LCP2: variants seen among roughly 807,000 people sequenced by gnomAD.
LCP2 encodes the protein 76 kDa tyrosine phosphoprotein.
A neutral mutation model predicts 74.5 loss-of-function variants in LCP2; 29 were observed. The ratio of observed to expected loss-of-function variants is 0.39; its 90% CI spans 0.29 to 0.53. The LOEUF (loss-of-function observed/expected upper bound fraction) is 0.53. Ranked by LOEUF, LCP2 falls within the 20% of genes least tolerant of loss-of-function variation. The pLI is 0.72. For synonymous variants in LCP2, 228 were observed against 229.5 expected (o/e 0.99, Z 0.06); for missense variants, 604 against 634.6 (o/e 0.95, Z 0.52).
At position 170,270,758 on chromosome 5, in the gene LCP2, G is replaced by A. The variant is rs761554500; in HGVS notation, c.484C>T (p.Pro162Ser). 8 of 1,593,846 alleles carry A rather than the reference G, an allele frequency of 5.0e-6. No individual in the cohort carries two copies. Among genetic ancestry groups the A allele is most frequent in the Non-Finnish European group, 6.8e-6 (8 of 1,171,222 alleles). Residue 162 changes from proline to serine, a missense_variant, in exon 7 of 21, where the codon CCT becomes TCT. Physicochemically the swap from Pro to Ser is moderately conservative, Grantham distance 74 (BLOSUM62 -1). Transcript: ENST00000046794. ...DEEALQNSIL[P>S]AKPFPNSNSM... ...TTGGAGTTGGGGAAAGGCTTGGCAG[G>A]CAGGATGGAGTTCTGCAGAGCTTCC...
intron 6 of LCP2, among the ~76,000 whole-genome samples, 154 bp from the exon 7 acceptor site, chr5:170,271,071 T>C (rs375467226): frequency 2.0e-5 from 3 of 152,170 alleles, no homozygotes; most frequent in East Asian, 1.9e-4. Flanking sequence ...ATGAGGAATC[T>C]GAGGTCAGGG....
chr5:170,297,506 T>C, intron 1 of LCP2, 28 bp downstream of exon 1: 4 of 1,600,914 alleles, frequency 2.5e-6, no homozygotes, highest in Non-Finnish European at 3.4e-6. Context: ...ACTAGCATCA[T>C]GACCATTCAC....
chr5:170,294,492 A>G (rs1302059632), intron 1 of LCP2, among the ~76,000 whole-genome samples: 2 of 152,206 alleles, frequency 1.3e-5, no homozygotes, highest in Non-Finnish European at 1.5e-5. Flanking sequence ...GGGGTGGAGC[A>G]TTTGAGGTTA....
At position 170,248,391 on chromosome 5, in the gene LCP2, G is replaced by C. The variant is rs1380857806; in HGVS notation, c.*306C>G. The stretch of plus-strand genomic sequence containing the variant: ...TGCCCCAAATTGTTTCTGTAGCTGT[G>C]TAAACTACTGTATTTTGAAATGGGC... On this transcript the variant is annotated 3_prime_UTR_variant, in exon 21 of 21. Coordinates refer to ENST00000046794, the MANE Select transcript of LCP2 (RefSeq NM_005565.5). 3.9e-6 allele frequency: 1 copy of C among 255,426 alleles called. No individual in the cohort carries two copies. The highest frequency in any genetic ancestry group is 7.6e-6 in the Non-Finnish European group (1 of 132,188). The allele number at this position is 255,426 out of a possible 1,614,324, so 15.8% of individuals were successfully genotyped here. A position where few individuals can be genotyped will look rare whatever the true frequency, so the allele number is the denominator to read the frequency against.
At chr5:170,269,212 C>T (rs1473294736) in intron 7 of LCP2, among the ~76,000 whole-genome samples, 1 of 152,244 alleles carries the variant, frequency 6.6e-6, no homozygotes, top group Admixed American at 6.5e-5. Flanking sequence ...CAGAAACTCA[C>T]ATTATCCACA....
chr5:170,285,638 C>T lies in LCP2; in HGVS notation c.188+2332G>A, dbSNP rs977125879. Among the ~76,000 whole-genome samples, 4 of 152,190 alleles carry T rather than the reference C, an allele frequency of 2.6e-5. No individual in the cohort carries two copies. In the South Asian group the frequency reaches 8.3e-4, roughly 32 times the overall value. Reference sequence around the variant, plus strand: ...CTAAGGCAAGATCCTTCTAGGCACTCTACCGAATGACTATGTTTTCCAGCC... The same window carrying T: ...CTAAGGCAAGATCCTTCTAGGCACTTTACCGAATGACTATGTTTTCCAGCC... On this transcript the variant is annotated intron_variant, in intron 3 of 20. Coordinates refer to ENST00000046794, the MANE Select transcript of LCP2 (RefSeq NM_005565.5).
rs930362088 is a variant in LCP2 at position 170,256,424 on chromosome 5, A to T, written c.1150+102T>A. ...TTGAATGAGGAAATCAGATGCTTTT[A>T]GGAAACAATAAAACCTTTGTCGAAA... On this transcript the variant is annotated intron_variant, in intron 17 of 20. Transcript: ENST00000046794. This position sits in a 1 kb window ranked among gnomAD's most constrained non-coding sequence, Gnocchi z 4.5. 3 of 925,692 alleles carry T rather than the reference A, an allele frequency of 3.2e-6. No homozygotes were observed. The highest frequency in any genetic ancestry group is 1.9e-5 in the Admixed American group (1 of 53,484). 57.3% of individuals were successfully genotyped at this position (925,692 alleles called of 1,614,324 possible).
At chr5:170,248,909 G>T in intron 20 of LCP2, 90 bp from the exon 21 acceptor site, 1 of 1,268,448 alleles carries the variant, frequency 7.9e-7, no homozygotes, top group Non-Finnish European at 1.1e-6. Flanking sequence ...AATATATGCT[G>T]CCTCTTCAAG....
intron 1 of LCP2, among the ~76,000 whole-genome samples, chr5:170,296,452 A>G (rs187101947): frequency 1.2e-4 from 19 of 152,290 alleles, no homozygotes; most frequent in African/African-American, 4.6e-4. Context: ...CGTCCTAGGG[A>G]ACCTCGTCTA....
intron 15 of LCP2, 71 bp from the exon 16 acceptor site, chr5:170,258,237 G>A (rs948599701): frequency 2.1e-5 from 32 of 1,528,168 alleles, no homozygotes; most frequent in Admixed American, 1.0e-4. Context: ...TTCCATAACC[G>A]CCCCCCAGTT....
At position 170,283,146 on chromosome 5, in the gene LCP2, C is replaced by CT. The variant is rs562447514; in HGVS notation, c.188+4823dup. Among the ~76,000 whole-genome samples, 40 of 152,288 alleles carry CT rather than the reference C, an allele frequency of 2.6e-4. 1 individual carries two copies. In the East Asian group the frequency reaches 7.3e-3, roughly 28 times the overall value. On this transcript the variant is annotated intron_variant, in intron 3 of 20. Coordinates refer to ENST00000046794, the MANE Select transcript of LCP2 (RefSeq NM_005565.5). Reference sequence around the variant, plus strand: ...ATTCTCCATATTAACCCTTCATGTTCTATGGGCAGGCTTCACAGTCTTTCT... The same window carrying CT: ...ATTCTCCATATTAACCCTTCATGTTCTTATGGGCAGGCTTCACAGTCTTTCT...
chr5:170,264,307 C>A (rs539752682), intron 10 of LCP2, among the ~76,000 whole-genome samples: 1 of 152,208 alleles, frequency 6.6e-6, no homozygotes, highest in East Asian at 1.9e-4. Context: ...TTTTCTTCTA[C>A]GTTTTTATTT....
rs1561971020 is a variant in LCP2 at position 170,268,461 on chromosome 5, G to A, written c.545C>T (p.Thr182Ile). ...GGGGGGCACAGGAGGCTGCTGGGGG[G>A]TTTTCCCAGAGGGGGGCCGGTCTGT... ...MYIDRPPSGK[T>I]PQQPPVPPQR... The change falls in exon 8 of 21, where the codon ACC becomes ATC. Residue 182 changes from threonine (T) to isoleucine (I), a missense_variant. By Grantham distance (89) the Thr-to-Ile change is moderately conservative (BLOSUM62 -1). Coordinates refer to ENST00000046794, the MANE Select transcript of LCP2 (RefSeq NM_005565.5). 2 of 266,184 alleles carry A rather than the reference G, an allele frequency of 7.5e-6. No individual in the cohort carries two copies. Among genetic ancestry groups the A allele is most frequent in the Admixed American group, 7.0e-5 (1 of 14,370 alleles). The allele number at this position is 266,184 out of a possible 1,614,324, so 16.5% of individuals were successfully genotyped here.
intron 2 of LCP2, among the ~76,000 whole-genome samples, chr5:170,290,545 C>T (rs1026788363): frequency 1.3e-5 from 2 of 152,180 alleles, no homozygotes; most frequent in African/African-American, 4.8e-5. Context: ...TCACCATACA[C>T]CTTCTCCTCT....
At chr5:170,260,502 C>T (rs1052552149) in intron 14 of LCP2, among the ~76,000 whole-genome samples, 3 of 152,172 alleles carry the variant, frequency 2.0e-5, no homozygotes, top group Admixed American at 6.5e-5. Context: ...ATTTCCTCTC[C>T]GTAAAAGAGA....
At chr5:170,260,773 T>C (rs1761636037) in intron 14 of LCP2, among the ~76,000 whole-genome samples, 1 of 152,222 alleles carries the variant, frequency 6.6e-6, no homozygotes, top group Admixed American at 6.5e-5. Flanking sequence ...CCTTGGAAAT[T>C]TAGGCATGGT....
intron 3 of LCP2, among the ~76,000 whole-genome samples, chr5:170,282,612 A>T (rs1447513195): frequency 6.6e-6 from 1 of 152,258 alleles, no homozygotes; most frequent in Non-Finnish European, 1.5e-5. Context: ...TTAAAAAGCT[A>T]AAATTGTTCT....
chr5:170,279,628 C>T (rs754446713), intron 3 of LCP2, among the ~76,000 whole-genome samples: 4 of 152,180 alleles, frequency 2.6e-5, no homozygotes, highest in East Asian at 1.9e-4. Context: ...TGACATCAAC[C>T]GGCCCCCACG....
rs1036208961 is a variant in LCP2, at chr5:170,250,819, A to G, written c.1390T>C (p.Leu464=). The change falls in exon 20 of 21, where the codon TTG becomes CTG. Residue 464 remains leucine (L), a synonymous_variant. Coordinates refer to ENST00000046794, the MANE Select transcript of LCP2 (RefSeq NM_005565.5). ...TTTNPYVLMV[L]YKDKVYNIQI... is the part of the protein sequence containing the mutation. ...ATGTTGTAAACTTTATCTTTGTACA[A>G]CACCATGAGGACATATGGATTGGTT... is the stretch of plus-strand genomic sequence containing the variant. 1.2e-6 allele frequency: 2 copies of G among 1,612,894 alleles called. No individual in the cohort carries two copies. Among genetic ancestry groups the G allele is most frequent in the East Asian group, 4.5e-5 (2 of 44,870 alleles).
Sources: gnomAD v4.1 joint callset for allele counts (sites outside exome capture counted in the v4.1 genomes callset) on GRCh38, gnomAD v4.1.1 for gene constraint, Gnocchi (gnomAD v3.1) non-coding constraint, MANE v1.5 for transcripts, NCBI Gene and HGNC (gene_info 2026-07-23, HGNC 2026-07-21) for gene names.